The following ELAVL1 variants were observed in gnomAD, a reference collection of about 807,000 sequenced individuals.
ELAVL1 encodes ELAV-like protein 1.
A neutral mutation model predicts 28.4 loss-of-function variants in ELAVL1; 1 was observed. The observed-to-expected ratio is 0.04, with a 90% CI of 0.01 to 0.17. ELAVL1 has a LOEUF of 0.17. Among genes scored for constraint, ELAVL1 ranks in the 10% least tolerant of loss-of-function variants. The probability of loss-of-function intolerance (pLI) is 1.00; values close to 1 mark genes in which losing one functional copy is unlikely to be tolerated. For missense variants in ELAVL1, 157 were observed against 447.2 expected, an observed-to-expected ratio of 0.35 and a Z score of 5.85; for synonymous variants, 174 against 183.5, an observed-to-expected ratio of 0.95 and a Z score of 0.42.
At chr19:7,975,037 C>A (rs1448981842) in intron 3 of ELAVL1, among the ~76,000 whole-genome samples, 5 of 152,152 alleles carry the variant, frequency 3.3e-5, no homozygotes, top group Non-Finnish European at 7.4e-5. Context: ...CATGTCACTA[C>A]GGAGCCCATG....
chr19:7,975,968 C>T (rs1985270680), intron 3 of ELAVL1, among the ~76,000 whole-genome samples: 1 of 152,020 alleles, frequency 6.6e-6, no homozygotes, highest in Non-Finnish European at 1.5e-5. Flanking sequence ...TGGGGCATAC[C>T]TCTATTCCCA....
In ELAVL1 at chr19:7,982,255, A is replaced by G. The variant is rs990130352; in HGVS notation, c.173-1069T>C. Among the ~76,000 whole-genome samples, 9 of 152,176 alleles carry G rather than the reference A, an allele frequency of 5.9e-5. No individual in the cohort carries two copies. Among genetic ancestry groups the G allele is most frequent in the African/African-American group, 2.2e-4 (9 of 41,440 alleles). Reference sequence around the variant, plus strand: ...GGGGAAGTGAGGAGGCACAGGGAAGAGCGCAATCCCCGTCTCCCGCAGCTT... The same window carrying G: ...GGGGAAGTGAGGAGGCACAGGGAAGGGCGCAATCCCCGTCTCCCGCAGCTT... On this transcript the variant is annotated intron_variant, in intron 2 of 5. Coordinates refer to ENST00000407627, the MANE Select transcript of ELAVL1 (RefSeq NM_001419.3). The surrounding 1 kb of genome is among the most constrained non-coding windows in gnomAD (Gnocchi z 4.3).
chr19:7,958,803 G>A lies in ELAVL1; in HGVS notation c.*4680C>T, dbSNP rs138043782. 6.5e-6 allele frequency: 1 copy of A among 152,710 alleles called. No homozygotes were observed. Among genetic ancestry groups the A allele is most frequent in the African/African-American group, 2.4e-5 (1 of 41,528 alleles). 9.5% of individuals were successfully genotyped at this position (152,710 alleles called of 1,614,324 possible). On this transcript the variant is annotated 3_prime_UTR_variant, in exon 6 of 6. Coordinates refer to ENST00000407627, the MANE Select transcript of ELAVL1 (RefSeq NM_001419.3). ...AATGTCTACACAGCTATGAACAATT[G>A]TTTAATAAAACTTTTTCATGTTTCC...
intron 1 of ELAVL1, among the ~76,000 whole-genome samples, chr19:7,996,977 CT>C (rs2081051932): frequency 6.6e-6 from 1 of 152,180 alleles, no homozygotes; most frequent in Non-Finnish European, 1.5e-5. Context: ...CCGCTACCCA[CT>C]TATTAGAATG....
At chr19:7,993,780 C>T (rs886974703) in intron 1 of ELAVL1, among the ~76,000 whole-genome samples, 1 of 152,156 alleles carries the variant, frequency 6.6e-6, no homozygotes, top group South Asian at 2.1e-4. Flanking sequence ...TATGTTTGAA[C>T]ACCCAGTGCC....
intron 3 of ELAVL1, among the ~76,000 whole-genome samples, chr19:7,975,923 A>G (rs1985268840): frequency 1.3e-5 from 2 of 151,668 alleles, no homozygotes. Flanking sequence ...ACATGGCAAG[A>G]CCCCATCTCT....
chr19:8,003,819 G>A (rs11881277), intron 1 of ELAVL1, among the ~76,000 whole-genome samples: 35,432 of 152,060 alleles, frequency 0.23, 4,409 homozygotes, highest in Non-Finnish European at 0.28. Flanking sequence ...TGAGACGTTC[G>A]TGTATCTCAA....
chr19:7,985,204 G>A (rs1327608142), intron 2 of ELAVL1, among the ~76,000 whole-genome samples: 2 of 152,208 alleles, frequency 1.3e-5, no homozygotes, highest in Non-Finnish European at 2.9e-5. Flanking sequence ...ATAGGCGTGC[G>A]CCACCGCGCC....
chr19:7,973,608 T>TC, intron 4 of ELAVL1, 117 bp downstream of exon 4: 2 of 1,300,842 alleles, frequency 1.5e-6, no homozygotes. Flanking sequence ...TTTGGTGCTG[T>TC]CCTCGTTTGC....
At chr19:8,000,178 T>G (rs905729335) in intron 1 of ELAVL1, among the ~76,000 whole-genome samples, 1 of 152,168 alleles carries the variant, frequency 6.6e-6, no homozygotes. Flanking sequence ...TACCTCAGCC[T>G]CCCAAGCACT....
intron 2 of ELAVL1, among the ~76,000 whole-genome samples, chr19:7,987,279 G>A (rs564882756): frequency 1.3e-5 from 2 of 152,182 alleles, no homozygotes; most frequent in Non-Finnish European, 2.9e-5. Flanking sequence ...GCCGTGAATG[G>A]GGCTGCAGCC....
chr19:7,980,333 A>C (rs1985423010), intron 3 of ELAVL1, among the ~76,000 whole-genome samples: 1 of 152,174 alleles, frequency 6.6e-6, no homozygotes, highest in Admixed American at 6.5e-5. Context: ...AAAGGTCGGA[A>C]AGACACGAGG....
chr19:7,983,595 C>A (rs572853698), intron 2 of ELAVL1, among the ~76,000 whole-genome samples: 2 of 152,142 alleles, frequency 1.3e-5, no homozygotes, highest in African/African-American at 4.8e-5. Flanking sequence ...AAGTGCTCAG[C>A]GCCTTCTGCA....
Position 7,979,962 on chromosome 19 carries a change from GC to G in ELAVL1, c.276+1120del, listed in dbSNP as rs1008275591. Among the ~76,000 whole-genome samples, 4 of 152,154 alleles carry G rather than the reference GC, an allele frequency of 2.6e-5. No homozygotes were observed. Among genetic ancestry groups the G allele is most frequent in the African/African-American group, 9.7e-5 (4 of 41,436 alleles). On this transcript the variant is annotated intron_variant, in intron 3 of 5. Transcript: ENST00000407627. The surrounding 1 kb of genome is among the most constrained non-coding windows in gnomAD (Gnocchi z 5.4). ...GGCCCACCCTGCAGTGACTCAGGAG[GC>G]CCCCCTGTGACCATGGAATCTATAT...
chr19:8,002,173 TG>T, intron 1 of ELAVL1: 1 of 1,255,554 alleles, frequency 8.0e-7, no homozygotes, highest in Non-Finnish European at 1.0e-6. Flanking sequence ...CGATGTTCTC[TG>T]AACACTGCGA....
At chr19:7,992,787 C>A (rs1985786836) in intron 1 of ELAVL1, among the ~76,000 whole-genome samples, 1 of 152,176 alleles carries the variant, frequency 6.6e-6, no homozygotes, top group Admixed American at 6.5e-5. Context: ...CCAAGAATAA[C>A]AGAGGTACCA....
At position 7,984,212 on chromosome 19, in the gene ELAVL1, G is replaced by T. The variant is rs369197740; in HGVS notation, c.173-3026C>A. 1.7e-4 allele frequency among the ~76,000 whole-genome samples: 26 copies of T among 152,156 alleles called. 1 individual carries two copies. The East Asian group carries it at 2.3e-3, about 14-fold the overall frequency. ...TTAACTGAGCACCTACTATGTGTCA[G>T]GCCCTGTGCTTGGCTGGGAGTTAGT... is the stretch of plus-strand genomic sequence containing the variant. On this transcript the variant is annotated intron_variant, in intron 2 of 5. Coordinates refer to ENST00000407627, the MANE Select transcript of ELAVL1 (RefSeq NM_001419.3).
intron 4 of ELAVL1, among the ~76,000 whole-genome samples, chr19:7,968,291 G>A (rs899914423): frequency 1.3e-5 from 2 of 152,178 alleles, no homozygotes; most frequent in East Asian, 1.9e-4. Context: ...CCTCGTGGCC[G>A]AGCCTGCTGC....
chr19:7,963,852 G>A lies in ELAVL1; in HGVS notation c.657-45C>T. Reference sequence around the variant, plus strand: ...CGTCAGGCCACGGTCAGCGCAGGCGGCCTGGGGATGGGGCAAGGCCTGGAC... The same window carrying A: ...CGTCAGGCCACGGTCAGCGCAGGCGACCTGGGGATGGGGCAAGGCCTGGAC... On this transcript the variant is annotated intron_variant, in intron 5 of 5. Transcript: ENST00000407627. The surrounding 1 kb of genome is among the most constrained non-coding windows in gnomAD (Gnocchi z 4.5). The A allele has an allele frequency of 6.3e-7, 1 of 1,582,006 alleles. No homozygotes were observed. The highest frequency in any genetic ancestry group is 8.6e-7 in the Non-Finnish European group (1 of 1,162,878).
Sources: allele counts gnomAD v4.1 joint callset (sites outside exome capture counted in the v4.1 genomes callset), GRCh38; gene constraint gnomAD v4.1.1; non-coding constraint Gnocchi (gnomAD v3.1); transcripts MANE v1.5; gene names NCBI Gene and HGNC (gene_info 2026-07-23, HGNC 2026-07-21).